The following GAS6 variants were observed in gnomAD, a reference collection of about 807,000 sequenced individuals.
GAS6 encodes growth arrest-specific protein 6.
Under a neutral mutation model 75.8 loss-of-function variants are expected in GAS6, and 41 were observed. That is an observed-to-expected ratio of 0.54 (90% CI 0.42 to 0.70). GAS6 has a LOEUF of 0.70. Ranked by LOEUF, GAS6 falls within the 30% of genes least tolerant of loss-of-function variation. GAS6 has a pLI of 0.00. For missense variants in GAS6, 854 were observed against 940.2 expected, an observed-to-expected ratio of 0.91 and a Z score of 1.20; for synonymous variants, 432 against 412.6, an observed-to-expected ratio of 1.05 and a Z score of -0.57.
rs184759805 is a variant in GAS6, at chr13:113,822,430, G to A, written c.1654-244C>T. 164 of 427,366 alleles carry A rather than the reference G, an allele frequency of 3.8e-4. 3 individuals are homozygous for A. In the East Asian group the frequency reaches 5.8e-3, roughly 15 times the overall value. The allele number at this position is 427,366 out of a possible 1,614,324, so 26.5% of individuals were successfully genotyped here. A position where few individuals can be genotyped will look rare whatever the true frequency, so the allele number is the denominator to read the frequency against. ...GGGAGGCTGTGGGGGAACAAGTGTG[G>A]CCCCCAGGTTGGGTGTGAGAGGGTC... On this transcript the variant is annotated intron_variant, in intron 13 of 14. Coordinates refer to ENST00000327773, the MANE Select transcript of GAS6 (RefSeq NM_000820.4).
intron 13 of GAS6, 137 bp from the exon 14 acceptor site, chr13:113,822,323 T>A (rs1000779799): frequency 1.6e-6 from 1 of 632,872 alleles, no homozygotes; most frequent in East Asian, 3.1e-5. Flanking sequence ...CAGCCCTGGG[T>A]CTGGATGCTC....
chr13:113,833,165 C>G, intron 8 of GAS6: 1 of 1,135,960 alleles, frequency 8.8e-7, no homozygotes, highest in Admixed American at 4.1e-5. Flanking sequence ...CCACGCTGCC[C>G]GAAGGGGGAC....
Position 113,852,944 on chromosome 13 carries a change from G to GA in GAS6, c.256-4895dup, listed in dbSNP as rs1334501127. ...GGGTGACCTCCCCATGCCACCGCAG[G>GA]AATCAGGCAGCACCCAGCACGTGAA... On this transcript the variant is annotated intron_variant, in intron 2 of 14. Coordinates refer to ENST00000327773, the MANE Select transcript of GAS6 (RefSeq NM_000820.4). 4.6e-5 allele frequency among the ~76,000 whole-genome samples: 7 copies of GA among 152,292 alleles called. No individual in the cohort carries two copies. The East Asian group carries it at 1.4e-3, about 29-fold the overall frequency.
Position 113,845,465 on chromosome 13 carries a change from G to A in GAS6, c.343+1062C>T, listed in dbSNP as rs1157871095. 2 of 150,160 alleles carry A rather than the reference G, an allele frequency of 1.3e-5. No individual in the cohort carries two copies. The highest frequency in any genetic ancestry group is 2.1e-4 in the South Asian group (1 of 4,810). 9.3% of individuals were successfully genotyped at this position (150,160 alleles called of 1,614,324 possible). A position where few individuals can be genotyped will look rare whatever the true frequency, so the allele number is the denominator to read the frequency against. ...AAAACTAGACACACGTGACGCCAGC[G>A]GACCACAGACCCAGTGCAAGGGGAG... is the stretch of plus-strand genomic sequence containing the variant. On this transcript the variant is annotated intron_variant, in intron 4 of 14. Transcript: ENST00000327773. The surrounding 1 kb of genome is among the most constrained non-coding windows in gnomAD (Gnocchi z 4.3).
At chr13:113,851,274 TATGA>T (rs771612207) in intron 2 of GAS6, among the ~76,000 whole-genome samples, 25 of 138,250 alleles carry the variant, frequency 1.8e-4, no homozygotes, top group Middle Eastern at 4.3e-3. Flanking sequence ...TGAGTGAGTG[TATGA>T]ATGAATGAGT....
intron 4 of GAS6, chr13:113,843,669 C>A (rs574951295): frequency 6.6e-6 from 1 of 150,942 alleles, no homozygotes; most frequent in Non-Finnish European, 1.5e-5. Flanking sequence ...CACCTGGGAA[C>A]GCAGCCTACA....
chr13:113,828,233 C>T (rs1382338647), intron 11 of GAS6, among the ~76,000 whole-genome samples: 15 of 152,098 alleles, frequency 9.9e-5, no homozygotes, highest in Admixed American at 3.3e-4. Flanking sequence ...CACTGCACTC[C>T]AGCCTGGGCA....
intron 2 of GAS6, among the ~76,000 whole-genome samples, chr13:113,855,903 C>G (rs2051910605): frequency 6.6e-6 from 1 of 152,174 alleles, no homozygotes; most frequent in South Asian, 2.1e-4. Context: ...ACCTGGGTTG[C>G]TCTGAGGACT....
At position 113,848,872 on chromosome 13, in the gene GAS6, C is replaced by G. The variant is rs2051852974; in HGVS notation, c.256-822G>C. 6.6e-6 allele frequency among the ~76,000 whole-genome samples: 1 copy of G among 152,178 alleles called. No homozygotes were observed. The highest frequency in any genetic ancestry group is 6.5e-5 in the Admixed American group (1 of 15,286). The stretch of plus-strand genomic sequence containing the variant: ...ATCCCATTATCAGGAATGAGGAAAC[C>G]CGGCTTCAGGATGGTTGTGGGATTC... On this transcript the variant is annotated intron_variant, in intron 2 of 14. Coordinates refer to ENST00000327773, the MANE Select transcript of GAS6 (RefSeq NM_000820.4). The surrounding 1 kb of genome is among the most constrained non-coding windows in gnomAD (Gnocchi z 4.8).
chr13:113,857,794 C>T (rs1346728189), intron 2 of GAS6, among the ~76,000 whole-genome samples: 1 of 152,264 alleles, frequency 6.6e-6, no homozygotes, highest in Non-Finnish European at 1.5e-5. Context: ...ATGTGAAGCT[C>T]TCCGGCTCGG....
intron 5 of GAS6, among the ~76,000 whole-genome samples, chr13:113,838,705 G>A (rs558714981): frequency 6.9e-6 from 1 of 143,948 alleles, no homozygotes; most frequent in Admixed American, 6.8e-5. Flanking sequence ...GGGAGCCCGG[G>A]GGTGCACAGC....
chr13:113,827,634 C>T (rs1251671110), intron 11 of GAS6, among the ~76,000 whole-genome samples: 1 of 151,586 alleles, frequency 6.6e-6, no homozygotes, highest in African/African-American at 2.4e-5. Context: ...ACCAGGCAGT[C>T]TGTGGGCCTG....
chr13:113,831,024 G>A (rs1010093869), intron 10 of GAS6, among the ~76,000 whole-genome samples: 2 of 152,278 alleles, frequency 1.3e-5, no homozygotes, highest in African/African-American at 4.8e-5. Flanking sequence ...GTTTCTGAAG[G>A]GCAAGACGTG....
chr13:113,838,061 G>A lies in GAS6; in HGVS notation c.589+8C>T, dbSNP rs1359907979. The A allele has an allele frequency of 2.5e-6, 4 of 1,612,140 alleles. No individual in the cohort carries two copies. In the African/African-American group the frequency reaches 5.3e-5, roughly 22 times the overall value. Reference sequence around the variant, plus strand: ...AGAGAGGAGAGAGGCCTCACCCCAGGGCCTTACCTTGGCAGGTCCTGCCAT... The same window carrying A: ...AGAGAGGAGAGAGGCCTCACCCCAGAGCCTTACCTTGGCAGGTCCTGCCAT... On this transcript the variant is annotated splice_region_variant and intron_variant, in intron 6 of 14. Coordinates refer to ENST00000327773, the MANE Select transcript of GAS6 (RefSeq NM_000820.4).
chr13:113,838,045 A>G, intron 6 of GAS6, 24 bp downstream of exon 6: 4 of 1,610,712 alleles, frequency 2.5e-6, no homozygotes, highest in Non-Finnish European at 3.4e-6. Flanking sequence ...GAGAGAGGAG[A>G]GAGGCCTCAC....
At chr13:113,828,508 C>A (rs1440730137) in intron 11 of GAS6, 39 bp downstream of exon 11, 2 of 1,582,890 alleles carry the variant, frequency 1.3e-6, no homozygotes, top group Non-Finnish European at 1.7e-6. Flanking sequence ...GGGATCCCAG[C>A]ACACGGCGCG....
At chr13:113,828,496 C>T in intron 11 of GAS6, 51 bp downstream of exon 11, 1 of 1,569,390 alleles carries the variant, frequency 6.4e-7, no homozygotes, top group Non-Finnish European at 8.7e-7. Context: ...GACACCGTTC[C>T]CGGGATCCCA....
intron 2 of GAS6, among the ~76,000 whole-genome samples, chr13:113,851,645 G>A (rs748851761): frequency 6.6e-6 from 1 of 152,076 alleles, no homozygotes; most frequent in Non-Finnish European, 1.5e-5. Context: ...ATGAGCGAGT[G>A]CATGGATAGT....
chr13:113,830,049 C>G (rs2051611022), intron 10 of GAS6, among the ~76,000 whole-genome samples: 2 of 152,262 alleles, frequency 1.3e-5, no homozygotes, highest in Non-Finnish European at 2.9e-5. Context: ...GCCAGGAGGG[C>G]CCTCGATGCA....
Sources: allele counts gnomAD v4.1 joint callset (sites outside exome capture counted in the v4.1 genomes callset), GRCh38; gene constraint gnomAD v4.1.1; non-coding constraint Gnocchi (gnomAD v3.1); transcripts MANE v1.5; gene names NCBI Gene and HGNC (gene_info 2026-07-23, HGNC 2026-07-21).